SVEP1: variants seen among roughly 807,000 people sequenced by gnomAD.
SVEP1 encodes the protein sushi, von Willebrand factor type A, EGF and pentraxin domain containing 1, also known as sushi, von Willebrand factor type A, EGF and pentraxin domain-containing protein 1.
Under a neutral mutation model 367.3 loss-of-function variants are expected in SVEP1, and 164 were observed. That is an observed-to-expected ratio of 0.45 (90% CI 0.39 to 0.51). The LOEUF (loss-of-function observed/expected upper bound fraction) is 0.51, where lower values mean the gene tolerates loss of function less well. Ranked by LOEUF, SVEP1 falls within the 20% of genes least tolerant of loss-of-function variation. The pLI is 0.00. For missense variants in SVEP1, 4,117 were observed against 4,425.3 expected (o/e 0.93, Z 1.98); for synonymous variants, 1,666 against 1,611.6 (o/e 1.03, Z -0.81).
chr9:110,481,543 A>C, intron 11 of SVEP1, 107 bp from the exon 12 acceptor site: 1 of 743,266 alleles, frequency 1.3e-6, no homozygotes, highest in East Asian at 3.1e-5. Context: ...GTCTATCGCT[A>C]TTTCTAGAAA....
chr9:110,486,666 T>A (rs1829283487), intron 9 of SVEP1, among the ~76,000 whole-genome samples: 2 of 151,050 alleles, frequency 1.3e-5, no homozygotes, highest in Non-Finnish European at 3.0e-5. Flanking sequence ...TTTTTTTTTT[T>A]AGATGGAGTC....
intron 1 of SVEP1, among the ~76,000 whole-genome samples, chr9:110,563,529 T>G (rs1830455284): frequency 6.6e-6 from 1 of 152,158 alleles, no homozygotes; most frequent in African/African-American, 2.4e-5. Flanking sequence ...ATTTTGCAAT[T>G]TATAGGGCCT....
chr9:110,407,711 T>G lies in SVEP1; in HGVS notation c.7889A>C (p.Asp2630Ala). 5 of 1,613,982 alleles carry G rather than the reference T, an allele frequency of 3.1e-6. No individual in the cohort carries two copies. Among genetic ancestry groups the G allele is most frequent in the Non-Finnish European group, 4.2e-6 (5 of 1,179,892 alleles). The change falls in exon 38 of 48, where the codon GAC (aspartate) becomes GCC (alanine). Residue 2630 changes from aspartate to alanine, a missense_variant. Physicochemically the swap from Asp to Ala is moderately radical, Grantham distance 126. Coordinates refer to ENST00000374469, the MANE Select transcript of SVEP1 (RefSeq NM_153366.4). ...DFGDCTKLKD[D>A]QGYFEQEDDM... Reference sequence around the variant, plus strand: ...GTCTTCTTGCTCAAAATATCCCTGGTCATCTTTGAGTTTAGTACAGTCTCC... The same window carrying G: ...GTCTTCTTGCTCAAAATATCCCTGGGCATCTTTGAGTTTAGTACAGTCTCC...
At position 110,465,992 on chromosome 9, in the gene SVEP1, T is replaced by C. The variant is rs773121228; in HGVS notation, c.3195A>G (p.Gly1065=). The C allele has an allele frequency of 7.4e-6, 12 of 1,613,642 alleles. No homozygotes were observed. Among genetic ancestry groups the C allele is most frequent in the Non-Finnish European group, 9.3e-6 (11 of 1,179,750 alleles). The change falls in exon 18 of 48, where the codon GGA becomes GGG. Residue 1065 remains glycine, a synonymous_variant. Transcript: ENST00000374469. ...QCKQGTYSYS[G]LETCESCPLG... is the part of the protein sequence containing the mutation. ...GTGGACACGATTCACAAGTCTCAAG[T>C]CCACTGTATGAGTAGGTGCCTTGTT...
chr9:110,486,719 C>T (rs1829284301), intron 9 of SVEP1, among the ~76,000 whole-genome samples: 1 of 150,964 alleles, frequency 6.6e-6, no homozygotes. Context: ...ATGATCTTGG[C>T]TTACTGCAAC....
In SVEP1 at chr9:110,579,707, A is replaced by G. The variant is rs566181681; in HGVS notation, c.-164T>C. The stretch of plus-strand genomic sequence containing the variant: ...CTGACACTGGGGACAGACACAATCC[A>G]GACTCCTCAGCAGCTCGGGAACTCC... On this transcript the variant is annotated 5_prime_UTR_variant, in exon 1 of 48. Transcript: ENST00000374469. This position sits in a 1 kb window ranked among gnomAD's most constrained non-coding sequence, Gnocchi z 5.3. 2.1e-5 allele frequency: 17 copies of G among 812,768 alleles called. No individual in the cohort carries two copies. The East Asian group carries it at 5.5e-4, about 27-fold the overall frequency. The allele number at this position is 812,768 out of a possible 1,614,324, so 50.3% of individuals were successfully genotyped here.
intron 5 of SVEP1, among the ~76,000 whole-genome samples, chr9:110,512,076 G>A (rs1564163618): frequency 3.3e-5 from 5 of 151,976 alleles, no homozygotes; most frequent in Admixed American, 2.0e-4. Flanking sequence ...AATCTTGCAG[G>A]GGACCCACAT....
In SVEP1 at chr9:110,406,699, A is replaced by G. The variant is rs372607246; in HGVS notation, c.8901T>C (p.His2967=). ...AGCACTGATACTGTATATGGCCCCCATGAATAAAGGAAAAACCATTAGGGA... is the reference window on the plus strand; with the variant it reads ...AGCACTGATACTGTATATGGCCCCCGTGAATAAAGGAAAAACCATTAGGGA... The part of the protein sequence containing the change: ...HGFPNGFSFI[H]GGHIQYQCFP... The change falls in exon 38 of 48, where the codon CAT becomes CAC. Residue 2967 remains histidine (H), a synonymous_variant. Transcript: ENST00000374469. 15 of 1,613,926 alleles carry G rather than the reference A, an allele frequency of 9.3e-6. No individual in the cohort carries two copies. In the African/African-American group the frequency reaches 1.3e-4, roughly 14 times the overall value.
At position 110,407,777 on chromosome 9, in the gene SVEP1, C is replaced by T; in HGVS notation, c.7823G>A (p.Cys2608Tyr). 6.2e-7 allele frequency: 1 copy of T among 1,614,000 alleles called. No homozygotes were observed. The highest frequency in any genetic ancestry group is 8.5e-7 in the Non-Finnish European group (1 of 1,179,890). Residue 2608 changes from cysteine (C) to tyrosine (Y), a missense_variant, in exon 38 of 48, where the codon TGT (cysteine) becomes TAT (tyrosine). By Grantham distance (194) the Cys-to-Tyr change is radical. Transcript: ENST00000374469. ...ESGWSSSIPT[C>Y]MPIDCGLPPH... ...AGGGAGGCCACAGTCTATTGGCATA[C>T]ATGTTGGGATGGAACTTGACCATCC... is the stretch of plus-strand genomic sequence containing the variant.
chr9:110,437,115 C>T (rs922544004), intron 27 of SVEP1, among the ~76,000 whole-genome samples: 6 of 152,138 alleles, frequency 3.9e-5, no homozygotes, highest in African/African-American at 1.2e-4. Flanking sequence ...AGGTTGTCCC[C>T]GTGAGCTGCA....
chr9:110,536,608 G>A (rs1012695403), intron 3 of SVEP1, among the ~76,000 whole-genome samples: 5 of 151,918 alleles, frequency 3.3e-5, no homozygotes, highest in Non-Finnish European at 7.4e-5. Flanking sequence ...ACATTGCCCC[G>A]AGGTGAAAAA....
At chr9:110,516,894 G>A (rs766343131) in intron 3 of SVEP1, among the ~76,000 whole-genome samples, 3 of 152,186 alleles carry the variant, frequency 2.0e-5, no homozygotes, top group East Asian at 3.9e-4. Flanking sequence ...TACTCATTAA[G>A]TTCCAGGAAA....
chr9:110,394,748 A>T (rs1447143531), intron 40 of SVEP1, among the ~76,000 whole-genome samples: 1 of 152,242 alleles, frequency 6.6e-6, no homozygotes, highest in East Asian at 1.9e-4. Context: ...AAGAAAGGGT[A>T]TCAGTGATGG....
chr9:110,409,820 T>TCAAA (rs1257177230), intron 37 of SVEP1, among the ~76,000 whole-genome samples: 1 of 152,154 alleles, frequency 6.6e-6, no homozygotes, highest in East Asian at 1.9e-4. Flanking sequence ...ATCTCAAAAT[T>TCAAA]CAAACACATG....
intron 41 of SVEP1, among the ~76,000 whole-genome samples, chr9:110,387,916 T>C (rs10122210): frequency 0.064 from 9,815 of 152,288 alleles, 529 homozygotes; most frequent in African/African-American, 0.15. Flanking sequence ...GTCTCCGATA[T>C]TGCATATTTA....
intron 3 of SVEP1, among the ~76,000 whole-genome samples, chr9:110,529,402 A>T: frequency 6.6e-6 from 1 of 152,086 alleles, no homozygotes; most frequent in Non-Finnish European, 1.5e-5. Flanking sequence ...GTGAAAAATG[A>T]CATTGTTATT....
rs182386313 is a variant in SVEP1, at chr9:110,527,695, T to A, written c.965-13589A>T. On this transcript the variant is annotated intron_variant, in intron 3 of 47. Transcript: ENST00000374469. ...ATTTTCTTAAGTGAATTTCATAAAATTTTTTTTCAATAGCTTTAGGGGTGC... is the reference window on the plus strand; with the variant it reads ...ATTTTCTTAAGTGAATTTCATAAAAATTTTTTTCAATAGCTTTAGGGGTGC... 6.9e-3 allele frequency among the ~76,000 whole-genome samples: 1,053 copies of A among 152,096 alleles called. 8 individuals carry two copies. Among genetic ancestry groups the A allele is most frequent in the African/African-American group, 0.024 (987 of 41,534 alleles).
chr9:110,381,785 G>A (rs1169336007), intron 43 of SVEP1, among the ~76,000 whole-genome samples: 1 of 152,060 alleles, frequency 6.6e-6, no homozygotes, highest in East Asian at 1.9e-4. Flanking sequence ...TTGACAGTGA[G>A]GTGTTAAAGT....
intron 3 of SVEP1, among the ~76,000 whole-genome samples, chr9:110,526,921 G>T (rs1829945906): frequency 6.6e-6 from 1 of 152,016 alleles, no homozygotes; most frequent in Admixed American, 6.6e-5. Context: ...AAAAAGCCAG[G>T]CTCAATATGT....
Sources: allele counts gnomAD v4.1 joint callset (sites outside exome capture counted in the v4.1 genomes callset), GRCh38; gene constraint gnomAD v4.1.1; non-coding constraint Gnocchi (gnomAD v3.1); transcripts MANE v1.5; gene names NCBI Gene and HGNC (gene_info 2026-07-23, HGNC 2026-07-21).